The following NOMO2 variants were observed in gnomAD, a reference collection of about 807,000 sequenced individuals.
NOMO2 encodes the protein NODAL modulator 2.
A neutral mutation model predicts 67.1 loss-of-function variants in NOMO2; 14 were observed. The observed-to-expected ratio is 0.21, with a 90% CI of 0.14 to 0.33. The LOEUF is 0.33. Among genes scored for constraint, NOMO2 ranks in the 10% least tolerant of loss-of-function variants. The pLI, the probability that NOMO2 is intolerant of heterozygous loss-of-function variation, is 1.00. For missense variants in NOMO2, 178 were observed against 761.0 expected (o/e 0.23, Z 9.01); for synonymous variants, 80 against 305.9 (o/e 0.26, Z 7.71).
rs187240739 is a variant in NOMO2 at position 18,550,694 on chromosome 16, A to G, written c.402+745T>C. On this transcript the variant is annotated intron_variant, in intron 4 of 30. Transcript: ENST00000622306. ...CACACCACCGTGGCGGTCCAAAAAA[A>G]TCTCAGAACTTAAATAATAGGAATC... Among the ~76,000 whole-genome samples, 695 of 152,186 alleles carry G rather than the reference A, an allele frequency of 4.6e-3. 6 individuals are homozygous for G. The highest frequency in any genetic ancestry group is 7.4e-3 in the Non-Finnish European group (503 of 68,008).
At chr16:18,545,240 T>A (rs1901640197) in intron 6 of NOMO2, among the ~76,000 whole-genome samples, 2 of 147,252 alleles carry the variant, frequency 1.4e-5, no homozygotes, top group South Asian at 4.4e-4. Context: ...GGATTACAGG[T>A]GTATGCCACC....
intron 18 of NOMO2, among the ~76,000 whole-genome samples, chr16:18,522,771 GC>G (rs1222421797): frequency 2.0e-4 from 9 of 45,800 alleles, no homozygotes; most frequent in African/African-American, 4.6e-4. Flanking sequence ...CATCTCCGCA[GC>G]CACTAGTCTG....
At chr16:18,529,047 G>A (rs2141718424) in intron 15 of NOMO2, among the ~76,000 whole-genome samples, 9 of 81,582 alleles carry the variant, frequency 1.1e-4, no homozygotes, top group Admixed American at 1.7e-4. Context: ...ATATATCAGA[G>A]AAACTCACTT....
chr16:18,561,194 A>C lies in NOMO2; in HGVS notation c.165+682T>G, dbSNP rs866355806. On this transcript the variant is annotated intron_variant, in intron 1 of 30. Coordinates refer to ENST00000622306, the MANE Select transcript of NOMO2 (RefSeq NM_173614.4). ...TAATTAAAAAAAAAAAAAAAAAAAA[A>C]AAAAAAAAAAAAACCTTTACAAATC... is the stretch of plus-strand genomic sequence containing the variant. 1.2e-3 allele frequency among the ~76,000 whole-genome samples: 166 copies of C among 137,156 alleles called. No homozygotes were observed. The East Asian group carries it at 0.013, about 10-fold the overall frequency. 90.0% of individuals were successfully genotyped at this position (137,156 alleles called of 152,430 possible). A position where few individuals can be genotyped will look rare whatever the true frequency, so the allele number is the denominator to read the frequency against.
intron 15 of NOMO2, among the ~76,000 whole-genome samples, chr16:18,529,051 C>A (rs2141718429): frequency 2.3e-5 from 2 of 88,050 alleles, no homozygotes; most frequent in African/African-American, 4.1e-5. Flanking sequence ...ATCAGAGAAA[C>A]TCACTTGGCA....
rs1295716518 is a variant in NOMO2, at chr16:18,561,889, T to C, written c.152A>G (p.Tyr51Cys). 3 of 1,561,336 alleles carry C rather than the reference T, an allele frequency of 1.9e-6. No homozygotes were observed. The highest frequency in any genetic ancestry group is 1.7e-6 in the Non-Finnish European group (2 of 1,155,956). Residue 51 changes from tyrosine (Y) to cysteine (C), a missense_variant, in exon 1 of 31, where the codon TAC becomes TGC. By Grantham distance (194) the Tyr-to-Cys change is radical. Coordinates refer to ENST00000622306, the MANE Select transcript of NOMO2 (RefSeq NM_173614.4). The stretch of plus-strand genomic sequence containing the variant: ...GCGGGCGCTCACCTCGATGAGCGAG[T>C]AGTTGATCTCCACGTCCGACTTGAC... ...GFVKSDVEIN[Y>C]SLIEIKLYTK...
chr16:18,534,732 A>T (rs1256122612), intron 11 of NOMO2, among the ~76,000 whole-genome samples: 4 of 12,672 alleles, frequency 3.2e-4, no homozygotes, highest in East Asian at 9.8e-4. Flanking sequence ...TTAAGTTGTA[A>T]ATATTTGAAC....
rs147104759 is a variant in NOMO2 at position 18,559,659 on chromosome 16, C to G, written c.166-1868G>C. The stretch of plus-strand genomic sequence containing the variant: ...TACAGGTGACAAAGAGATTCAGATG[C>G]ATGCATTTAGTGCAGGGACTGGAAA... On this transcript the variant is annotated intron_variant, in intron 1 of 30. Coordinates refer to ENST00000622306, the MANE Select transcript of NOMO2 (RefSeq NM_173614.4). Among the ~76,000 whole-genome samples the G allele has an allele frequency of 9.4e-4, 143 of 152,014 alleles. 1 individual carries two copies. The highest frequency in any genetic ancestry group is 9.2e-3 in the East Asian group (47 of 5,092).
At chr16:18,536,496 A>G (rs1901426358) in intron 11 of NOMO2, among the ~76,000 whole-genome samples, 2 of 151,852 alleles carry the variant, frequency 1.3e-5, no homozygotes, top group African/African-American at 2.4e-5. Context: ...TTATTTTTAG[A>G]CCAGGTTATG....
At chr16:18,561,365 T>C (rs1902046473) in intron 1 of NOMO2, among the ~76,000 whole-genome samples, 2 of 150,548 alleles carry the variant, frequency 1.3e-5, no homozygotes, top group Admixed American at 6.6e-5. Flanking sequence ...TCAGAATCTA[T>C]GGGATGGGAA....
In NOMO2 at chr16:18,526,343, T is replaced by C. The variant is rs1901146442; in HGVS notation, c.1894+1194A>G. Among the ~76,000 whole-genome samples, 4 of 152,104 alleles carry C rather than the reference T, an allele frequency of 2.6e-5. No individual in the cohort carries two copies. The South Asian group carries it at 8.3e-4, about 32-fold the overall frequency. ...GGAATATCAAATGACACAGCCTCTG[T>C]GGAAAACAATTTGACAGTTTCTTAA... On this transcript the variant is annotated intron_variant, in intron 16 of 30. Coordinates refer to ENST00000622306, the MANE Select transcript of NOMO2 (RefSeq NM_173614.4).
At chr16:18,561,197 A>AC (rs1452611006) in intron 1 of NOMO2, among the ~76,000 whole-genome samples, 11 of 126,794 alleles carry the variant, frequency 8.7e-5, no homozygotes, top group Non-Finnish European at 1.3e-4. Flanking sequence ...AAAAAAAAAA[A>AC]AAAAAAAAAA....
chr16:18,548,357 T>C lies in NOMO2; in HGVS notation c.510-1057A>G, dbSNP rs1031095162. 3.2e-4 allele frequency among the ~76,000 whole-genome samples: 48 copies of C among 151,742 alleles called. 1 individual carries two copies. The highest frequency in any genetic ancestry group is 3.1e-4 in the Non-Finnish European group (21 of 67,932). ...ACCAGTCAAGCAGAAGTAAATGTTA[T>C]TTCAAAAATGAAAACTAGTTTCAAC... On this transcript the variant is annotated intron_variant, in intron 5 of 30. Transcript: ENST00000622306.
intron 11 of NOMO2, among the ~76,000 whole-genome samples, chr16:18,535,649 A>AT (rs1399358189): frequency 6.6e-6 from 1 of 151,620 alleles, no homozygotes; most frequent in Non-Finnish European, 1.5e-5. Context: ...GGCCACTACC[A>AT]TATCTCCTCC....
intron 12 of NOMO2, among the ~76,000 whole-genome samples, 157 bp from the exon 13 acceptor site, chr16:18,531,764 G>A (rs143758560): frequency 0.031 from 4,681 of 151,906 alleles, 112 homozygotes; most frequent in African/African-American, 0.11. Flanking sequence ...ACAAATCCAC[G>A]AATAACTTGT....
Position 18,543,620 on chromosome 16 carries a change from T to C in NOMO2, c.732A>G (p.Lys244=). The C allele has an allele frequency of 6.2e-7, 1 of 1,611,762 alleles. No homozygotes were observed. The highest frequency in any genetic ancestry group is 8.5e-7 in the Non-Finnish European group (1 of 1,179,740). The change falls in exon 7 of 31, where the codon AAA becomes AAG. Residue 244 remains lysine, a synonymous_variant. Coordinates refer to ENST00000622306, the MANE Select transcript of NOMO2 (RefSeq NM_173614.4). The part of the protein sequence containing the change: ...KFLLFSSLVT[K]EDVLGCNVSP... ...TTTTGTTCTTTTCTTTGCTTACCTCTTTAGTTACTAAAGAAGAAAAGAGAA... is the reference window on the plus strand; with the variant it reads ...TTTTGTTCTTTTCTTTGCTTACCTCCTTAGTTACTAAAGAAGAAAAGAGAA...
At chr16:18,526,376 A>C (rs1348820999) in intron 16 of NOMO2, among the ~76,000 whole-genome samples, 2 of 152,154 alleles carry the variant, frequency 1.3e-5, no homozygotes, top group African/African-American at 2.4e-5. Context: ...TAAAAGGTTA[A>C]ACATAAATTT....
intron 1 of NOMO2, among the ~76,000 whole-genome samples, chr16:18,561,178 A>AAAAAAAAAAAAAAAAAAAC (rs1387071161): frequency 8.6e-6 from 1 of 115,898 alleles, no homozygotes; most frequent in African/African-American, 3.3e-5. Context: ...TTAATTAAAA[A>AAAAAAAAAAAAAAAAAAAC]AAAAAAAAAA....
intron 1 of NOMO2, among the ~76,000 whole-genome samples, chr16:18,561,300 G>A (rs539047350): frequency 1.3e-5 from 2 of 151,064 alleles, no homozygotes; most frequent in African/African-American, 2.4e-5. Context: ...GAGGGGAGCC[G>A]GAGAAATAAA....
Sources: allele counts gnomAD v4.1 joint callset (sites outside exome capture counted in the v4.1 genomes callset), GRCh38; gene constraint gnomAD v4.1.1; transcripts MANE v1.5; gene names NCBI Gene and HGNC (gene_info 2026-07-23, HGNC 2026-07-21).